Variants in CMSS1 observed in about 807,000 individuals in gnomAD.
The protein encoded by CMSS1 is cms1 ribosomal small subunit homolog.
In CMSS1, 33 loss-of-function variants were observed where a neutral mutation model predicts 43.5. That is an observed-to-expected ratio of 0.76 (90% CI 0.57 to 1.01). The LOEUF is 1.01. CMSS1 is among the 50% of genes least tolerant of loss of function. The pLI is 0.00. For synonymous variants in CMSS1, 115 were observed against 117.2 expected, an observed-to-expected ratio of 0.98 and a Z score of 0.12; for missense variants, 313 against 326.4, an observed-to-expected ratio of 0.96 and a Z score of 0.32.
intron 1 of CMSS1, among the ~76,000 whole-genome samples, chr3:100,071,090 C>T (rs367675958): frequency 3.8e-4 from 27 of 70,574 alleles, no homozygotes; most frequent in East Asian, 9.8e-4. Flanking sequence ...GCTACTCTCT[C>T]TTTTTTTTTT....
chr3:100,172,291 T>C (rs1244127423), intron 7 of CMSS1, 25 bp from the exon 8 acceptor site: 11 of 1,604,808 alleles, frequency 6.9e-6, no homozygotes, highest in Non-Finnish European at 9.4e-6. Context: ...CTTCCTTTTC[T>C]TTCTTCTCTT....
At chr3:99,898,808 G>A (rs1425789800) in intron 1 of CMSS1, 2 of 149,592 alleles carry the variant, frequency 1.3e-5, no homozygotes, top group African/African-American at 4.9e-5. Context: ...CATCATCCTA[G>A]CAGTTTTGTT....
At chr3:99,822,724 C>T (rs1217244397) in intron 1 of CMSS1, among the ~76,000 whole-genome samples, 1 of 152,064 alleles carries the variant, frequency 6.6e-6, no homozygotes, top group African/African-American at 2.4e-5. Context: ...AAGAACAAAA[C>T]TCCATCTCAA....
At chr3:100,018,422 T>G (rs1415528908) in intron 1 of CMSS1, among the ~76,000 whole-genome samples, 1 of 152,156 alleles carries the variant, frequency 6.6e-6, no homozygotes, top group Non-Finnish European at 1.5e-5. Flanking sequence ...GCATATTTTG[T>G]AGGTGCACTG....
chr3:99,840,468 C>T (rs1214786195), intron 1 of CMSS1, among the ~76,000 whole-genome samples: 4 of 151,976 alleles, frequency 2.6e-5, no homozygotes, highest in African/African-American at 9.7e-5. Flanking sequence ...ATGATCTGCC[C>T]GCTTTGGCCT....
At chr3:100,068,396 GTATC>G (rs2065703699) in intron 1 of CMSS1, among the ~76,000 whole-genome samples, 1 of 151,702 alleles carries the variant, frequency 6.6e-6, no homozygotes, top group Non-Finnish European at 1.5e-5. Context: ...GAGAGATATA[GTATC>G]TTTTGACTCA....
intron 1 of CMSS1, among the ~76,000 whole-genome samples, chr3:99,982,339 T>G (rs1475743140): frequency 6.6e-6 from 1 of 151,928 alleles, no homozygotes; most frequent in Non-Finnish European, 1.5e-5. Context: ...ATTAGGTAAT[T>G]TTTTACTTTT....
intron 1 of CMSS1, among the ~76,000 whole-genome samples, chr3:99,867,227 C>G (rs145245589): frequency 6.6e-6 from 1 of 152,162 alleles, no homozygotes; most frequent in Admixed American, 6.5e-5. Context: ...CTTATACTGT[C>G]CCTGAGCAGG....
intron 1 of CMSS1, among the ~76,000 whole-genome samples, chr3:99,858,315 AT>A (rs1360356163): frequency 2.6e-5 from 4 of 152,100 alleles, no homozygotes; most frequent in Middle Eastern, 3.4e-3. Context: ...AATACAAAAA[AT>A]TAGCTGGGCA....
intron 1 of CMSS1, among the ~76,000 whole-genome samples, chr3:100,030,006 G>A (rs938424327): frequency 3.3e-5 from 5 of 152,092 alleles, no homozygotes; most frequent in Admixed American, 2.6e-4. Context: ...TCTCACAACT[G>A]CTTCACATTT....
chr3:99,825,775 CTTTTTTTT>C (rs897686337), intron 1 of CMSS1, among the ~76,000 whole-genome samples: 5 of 121,612 alleles, frequency 4.1e-5, no homozygotes, highest in African/African-American at 1.2e-4. Flanking sequence ...TTTTCTTTTT[CTTTTTTTT>C]TTTTTTTTTT....
intron 1 of CMSS1, among the ~76,000 whole-genome samples, chr3:100,123,684 C>T (rs1480542524): frequency 1.3e-5 from 2 of 152,172 alleles, no homozygotes. Flanking sequence ...TTTTCCTTCA[C>T]ACGGCTCTTC....
chr3:99,863,230 A>G (rs1255225859), intron 1 of CMSS1, among the ~76,000 whole-genome samples: 2 of 152,204 alleles, frequency 1.3e-5, no homozygotes, highest in Non-Finnish European at 2.9e-5. Context: ...CACAGTTCAC[A>G]ATAGGGTTCA....
intron 1 of CMSS1, among the ~76,000 whole-genome samples, chr3:100,067,080 G>A (rs1299903687): frequency 6.6e-6 from 1 of 152,176 alleles, no homozygotes. Context: ...CTGTCACAGG[G>A]CCACTGAGAT....
chr3:100,012,022 A>T (rs1710171157), intron 1 of CMSS1, among the ~76,000 whole-genome samples: 3 of 152,198 alleles, frequency 2.0e-5, no homozygotes, highest in African/African-American at 7.2e-5. Flanking sequence ...ATTTACCTGA[A>T]TTGGATTTCT....
At chr3:100,007,579 A>G (rs751575307) in intron 1 of CMSS1, among the ~76,000 whole-genome samples, 1 of 152,208 alleles carries the variant, frequency 6.6e-6, no homozygotes, top group Non-Finnish European at 1.5e-5. Context: ...ACTCTCAGTT[A>G]TGTGACTGAG....
intron 1 of CMSS1, among the ~76,000 whole-genome samples, chr3:100,080,660 G>A (rs1450014912): frequency 6.6e-6 from 1 of 152,206 alleles, no homozygotes. Flanking sequence ...GAGGCAGTGG[G>A]GATGGCAGAA....
intron 8 of CMSS1, among the ~76,000 whole-genome samples, chr3:100,173,606 G>C (rs997807707): frequency 2.6e-5 from 4 of 152,264 alleles, no homozygotes; most frequent in African/African-American, 9.6e-5. Context: ...ATGAGAAAGA[G>C]ATAGTTATGC....
At chr3:99,883,729 A>G (rs1576546223) in intron 1 of CMSS1, among the ~76,000 whole-genome samples, 1 of 152,342 alleles carries the variant, frequency 6.6e-6, no homozygotes, top group African/African-American at 2.4e-5. Flanking sequence ...AATAATAACA[A>G]AAACAATAAT....
Sources: allele counts gnomAD v4.1 joint callset (sites outside exome capture counted in the v4.1 genomes callset), GRCh38; gene constraint gnomAD v4.1.1; transcripts MANE v1.5; gene names NCBI Gene and HGNC (gene_info 2026-07-23, HGNC 2026-07-21).